Variants in DLGAP1 observed in about 807,000 individuals in gnomAD.
The protein encoded by DLGAP1 is DLG associated protein 1.
A neutral mutation model predicts 90.8 loss-of-function variants in DLGAP1; 11 were observed. The ratio of observed to expected loss-of-function variants is 0.12; its 90% CI spans 0.08 to 0.20. The LOEUF (loss-of-function observed/expected upper bound fraction) is 0.20. DLGAP1 is among the 10% of genes least tolerant of loss of function. The probability of loss-of-function intolerance (pLI) is 1.00; values close to 1 mark genes in which losing one functional copy is unlikely to be tolerated. For synonymous variants in DLGAP1, 558 were observed against 540.7 expected (o/e 1.03, Z -0.44); for missense variants, 1,050 against 1,333.8 (o/e 0.79, Z 3.31).
chr18:3,816,141 T>C (rs1169616048), intron 4 of DLGAP1, among the ~76,000 whole-genome samples: 2 of 152,226 alleles, frequency 1.3e-5, no homozygotes, highest in East Asian at 1.9e-4. Flanking sequence ...AACCTGTGCA[T>C]ATTTTTCTGT....
At chr18:3,771,610 C>T (rs1295199266) in intron 5 of DLGAP1, among the ~76,000 whole-genome samples, 1 of 152,208 alleles carries the variant, frequency 6.6e-6, no homozygotes, top group South Asian at 2.1e-4. Context: ...AGGGTGCCTT[C>T]CAGGAAATCC....
chr18:3,682,782 T>C (rs2060565896), intron 7 of DLGAP1, among the ~76,000 whole-genome samples: 1 of 152,094 alleles, frequency 6.6e-6, no homozygotes, highest in Non-Finnish European at 1.5e-5. Flanking sequence ...AACACAGGAC[T>C]CCTAGAGCAT....
chr18:4,045,509 G>A (rs566718125), intron 2 of DLGAP1, among the ~76,000 whole-genome samples: 2 of 147,830 alleles, frequency 1.4e-5, no homozygotes, highest in Non-Finnish European at 3.0e-5. Context: ...TGAGGCGGAC[G>A]GATCGCTTGA....
At chr18:3,735,095 T>C (rs911391374) in intron 6 of DLGAP1, among the ~76,000 whole-genome samples, 2 of 152,228 alleles carry the variant, frequency 1.3e-5, no homozygotes, top group Admixed American at 1.3e-4. Flanking sequence ...ATTTTAGTGT[T>C]CCTTCAATTA....
chr18:3,889,417 G>A (rs929440256), intron 3 of DLGAP1, among the ~76,000 whole-genome samples: 1 of 151,614 alleles, frequency 6.6e-6, no homozygotes, highest in African/African-American at 2.4e-5. Context: ...ATACATACAT[G>A]CATATATATA....
intron 1 of DLGAP1, among the ~76,000 whole-genome samples, chr18:4,270,799 A>T (rs60340060): frequency 0.031 from 4,738 of 152,238 alleles, 66 homozygotes; most frequent in African/African-American, 0.042. Flanking sequence ...CTTTTATAGA[A>T]CTGCAGTCAT....
chr18:3,580,336 G>A (rs974039417), intron 8 of DLGAP1: 26 of 1,613,810 alleles, frequency 1.6e-5, no homozygotes, highest in Non-Finnish European at 2.1e-5. Context: ...TTCAGTGCGC[G>A]AAATGTAGTT....
At chr18:3,659,936 CT>C (rs2059631190) in intron 7 of DLGAP1, among the ~76,000 whole-genome samples, 1 of 152,184 alleles carries the variant, frequency 6.6e-6, no homozygotes. Context: ...CACATGGTTT[CT>C]TTCTGTGCTT....
intron 1 of DLGAP1, among the ~76,000 whole-genome samples, chr18:4,171,014 T>A (rs1286257501): frequency 6.6e-6 from 1 of 152,172 alleles, no homozygotes; most frequent in Non-Finnish European, 1.5e-5. Flanking sequence ...TATGCGCTCA[T>A]ATATGTGTGT....
intron 2 of DLGAP1, among the ~76,000 whole-genome samples, chr18:4,045,170 T>C (rs2075030658): frequency 2.0e-5 from 3 of 151,972 alleles, no homozygotes; most frequent in Non-Finnish European, 4.4e-5. Context: ...CCTACTAACT[T>C]AACTGCCCTG....
chr18:4,045,703 AAT>A (rs1423189726), intron 2 of DLGAP1, among the ~76,000 whole-genome samples: 3 of 150,802 alleles, frequency 2.0e-5, no homozygotes, highest in Non-Finnish European at 4.5e-5. Context: ...ATATAATGTT[AAT>A]TAGATTTTTT....
chr18:4,068,296 A>G (rs980371109), intron 2 of DLGAP1, among the ~76,000 whole-genome samples: 13 of 152,058 alleles, frequency 8.5e-5, no homozygotes, highest in Non-Finnish European at 1.3e-4. Flanking sequence ...TAAATATTGA[A>G]TGAATGAATA....
At chr18:3,559,350 A>AT (rs1276398375) in intron 9 of DLGAP1, among the ~76,000 whole-genome samples, 7 of 152,114 alleles carry the variant, frequency 4.6e-5, no homozygotes, top group Non-Finnish European at 5.9e-5. Context: ...CCAGCTGCAC[A>AT]TTTTTTCTAA....
At chr18:4,086,763 A>C (rs75699172) in intron 2 of DLGAP1, among the ~76,000 whole-genome samples, 2,641 of 151,890 alleles carry the variant, frequency 0.017, 77 homozygotes, top group African/African-American at 0.058. Flanking sequence ...AAGAATGTAT[A>C]TTCTTTTTAA....
At chr18:4,206,151 T>C (rs186345615) in intron 1 of DLGAP1, among the ~76,000 whole-genome samples, 2 of 152,100 alleles carry the variant, frequency 1.3e-5, no homozygotes, top group African/African-American at 2.4e-5. Flanking sequence ...TTTTGACCTG[T>C]TGGGTTGGAG....
In DLGAP1 at chr18:3,523,110, C is replaced by T. The variant is rs977884455; in HGVS notation, c.2479+11084G>A. 1.2e-4 allele frequency among the ~76,000 whole-genome samples: 19 copies of T among 152,264 alleles called. No homozygotes were observed. In the East Asian group the frequency reaches 2.7e-3, roughly 22 times the overall value. ...TAAAAAGGCCAGGCACAGTGGCTCA[C>T]GCCTGTAATCCCAGCACTTTGGGAC... On this transcript the variant is annotated intron_variant, in intron 10 of 12. Coordinates refer to ENST00000315677, the MANE Select transcript of DLGAP1 (RefSeq NM_004746.4).
At chr18:3,972,601 A>C (rs1199849093) in intron 3 of DLGAP1, among the ~76,000 whole-genome samples, 1 of 152,134 alleles carries the variant, frequency 6.6e-6, no homozygotes, top group African/African-American at 2.4e-5. Flanking sequence ...CTGATTATTA[A>C]GTGACTAGAT....
intron 2 of DLGAP1, among the ~76,000 whole-genome samples, chr18:4,111,958 T>C (rs1442079051): frequency 1.3e-5 from 2 of 150,908 alleles, no homozygotes; most frequent in Admixed American, 1.3e-4. Flanking sequence ...AACATAATAA[T>C]AATAATTATT....
At chr18:3,501,496 A>T (rs917724133) in intron 12 of DLGAP1, among the ~76,000 whole-genome samples, 2 of 152,178 alleles carry the variant, frequency 1.3e-5, no homozygotes, top group Non-Finnish European at 2.9e-5. Flanking sequence ...CAGTGATGAG[A>T]GCATCACCCT....
Sources: allele counts gnomAD v4.1 joint callset (sites outside exome capture counted in the v4.1 genomes callset), GRCh38; gene constraint gnomAD v4.1.1; transcripts MANE v1.5; gene names NCBI Gene and HGNC (gene_info 2026-07-23, HGNC 2026-07-21).